The following SYT11 variants were observed in gnomAD, a reference collection of about 807,000 sequenced individuals.
The protein encoded by SYT11 is synaptotagmin-11.
Under a neutral mutation model 30.4 loss-of-function variants are expected in SYT11, and 12 were observed. The ratio of observed to expected loss-of-function variants is 0.39; its 90% confidence interval spans 0.25 to 0.64. The LOEUF (loss-of-function observed/expected upper bound fraction) is 0.64. Among genes scored for constraint, SYT11 ranks in the 30% least tolerant of loss-of-function variants. SYT11 has a pLI of 0.45. For missense variants in SYT11, 412 were observed against 552.0 expected, an observed-to-expected ratio of 0.75 and a Z score of 2.54; for synonymous variants, 204 against 216.0, an observed-to-expected ratio of 0.94 and a Z score of 0.49.
At chr1:155,875,839 C>T (rs1672851307) in intron 2 of SYT11, among the ~76,000 whole-genome samples, 1 of 152,194 alleles carries the variant, frequency 6.6e-6, no homozygotes, top group South Asian at 2.1e-4. Flanking sequence ...ACAATCAAAG[C>T]ACAAACTATT....
chr1:155,861,268 G>C (rs899938774), intron 1 of SYT11, among the ~76,000 whole-genome samples: 13 of 152,108 alleles, frequency 8.5e-5, no homozygotes, highest in African/African-American at 3.1e-4. Flanking sequence ...TGAGTTCTAA[G>C]TTTCCAAAAC....
rs776709828 is a variant in SYT11 at position 155,868,521 on chromosome 1, C to T, written c.591C>T (p.Tyr197=). Reference sequence around the variant, plus strand: ...ACCAGACCCAGGGATCTGACCCCTACATCAAAATGACCATCCTTCCTGACA... The same window carrying T: ...ACCAGACCCAGGGATCTGACCCCTATATCAAAATGACCATCCTTCCTGACA... ...MDDQTQGSDP[Y]IKMTILPDKR... The change falls in exon 2 of 4, where the codon TAC becomes TAT. Residue 197 remains tyrosine, a synonymous_variant. Coordinates refer to ENST00000368324, the MANE Select transcript of SYT11 (RefSeq NM_152280.5). This position sits in a 1 kb window ranked among gnomAD's most constrained non-coding sequence, Gnocchi z 4.7. The T allele has an allele frequency of 4.3e-6, 7 of 1,614,188 alleles. No homozygotes were observed. Among genetic ancestry groups the T allele is most frequent in the Non-Finnish European group, 5.1e-6 (6 of 1,180,038 alleles).
At chr1:155,878,863 T>C (rs1005692620) in intron 2 of SYT11, among the ~76,000 whole-genome samples, 1 of 151,644 alleles carries the variant, frequency 6.6e-6, no homozygotes. Context: ...CGAGAGACTC[T>C]GTCTCAAAAA....
At chr1:155,877,225 C>T (rs528405887) in intron 2 of SYT11, among the ~76,000 whole-genome samples, 1 of 152,218 alleles carries the variant, frequency 6.6e-6, no homozygotes, top group Non-Finnish European at 1.5e-5. Flanking sequence ...ACCTCAGCCT[C>T]CCAAATTGCT....
chr1:155,875,140 C>A lies in SYT11; in HGVS notation c.862-5360C>A. On this transcript the variant is annotated intron_variant, in intron 2 of 3. Coordinates refer to ENST00000368324, the MANE Select transcript of SYT11 (RefSeq NM_152280.5). ...TGGTGACATGTGCCTGTAGTCCCAG[C>A]TACTCGGGAGGCTGAGGCAGGAGAA... Among the ~76,000 whole-genome samples the A allele has an allele frequency of 1.4e-5, 2 of 141,232 alleles. 1 individual carries two copies. The highest frequency in any genetic ancestry group is 3.2e-5 in the Non-Finnish European group (2 of 63,026). The allele number at this position is 141,232 out of a possible 152,430, so 92.7% of individuals were successfully genotyped here.
chr1:155,881,479 G>A lies in SYT11; in HGVS notation c.1267G>A (p.Ala423Thr). The change falls in exon 4 of 4, where the codon GCC (alanine) becomes ACC (threonine). Residue 423 changes from alanine (A) to threonine (T), a missense_variant. Transcript: ENST00000368324. The part of the protein sequence containing the change: ...EVCESPRKPV[A>T]KWHSLSEY Reference sequence around the variant, plus strand: ...CTGCGAGAGCCCCCGCAAGCCTGTGGCCAAGTGGCACAGTCTGAGCGAGTA... The same window carrying A: ...CTGCGAGAGCCCCCGCAAGCCTGTGACCAAGTGGCACAGTCTGAGCGAGTA... 1 of 1,610,880 alleles carries A rather than the reference G, an allele frequency of 6.2e-7. No homozygotes were observed. The highest frequency in any genetic ancestry group is 2.2e-5 in the East Asian group (1 of 44,790).
chr1:155,863,788 G>A (rs1368831260), intron 1 of SYT11, among the ~76,000 whole-genome samples: 1 of 152,036 alleles, frequency 6.6e-6, no homozygotes, highest in African/African-American at 2.4e-5. Context: ...AGGTGTAGTG[G>A]CATGTGCTGG....
rs141914865 is a variant in SYT11 at position 155,881,498 on chromosome 1, G to A, written c.1286G>A (p.Ser429Asn). ...RKPVAKWHSL[S>N]EY ...CCTGTGGCCAAGTGGCACAGTCTGA[G>A]CGAGTACTAATCCTGTTCTTCTCTC... Residue 429 changes from serine (S) to asparagine (N), a missense_variant, in exon 4 of 4, where the codon AGC becomes AAC. Physicochemically the swap from Ser to Asn is conservative, Grantham distance 46 (BLOSUM62 1). Coordinates refer to ENST00000368324, the MANE Select transcript of SYT11 (RefSeq NM_152280.5). 1.2e-6 allele frequency: 2 copies of A among 1,605,500 alleles called. No homozygotes were observed. Among genetic ancestry groups the A allele is most frequent in the African/African-American group, 1.3e-5 (1 of 74,754 alleles).
chr1:155,869,263 C>CTTTTTTTTTTT (rs767071892), intron 2 of SYT11, among the ~76,000 whole-genome samples: 2 of 83,880 alleles, frequency 2.4e-5, no homozygotes, highest in Non-Finnish European at 4.0e-5. Context: ...ATGTACATGT[C>CTTTTTTTTTTT]TTTTTTTTTT....
rs1028167773 is a variant in SYT11, at chr1:155,883,109, C to T, written c.*1601C>T. 1 of 152,358 alleles carries T rather than the reference C, an allele frequency of 6.6e-6. No individual in the cohort carries two copies. The highest frequency in any genetic ancestry group is 6.5e-5 in the Admixed American group (1 of 15,272). The allele number at this position is 152,358 out of a possible 1,614,324, so 9.4% of individuals were successfully genotyped here. A position where few individuals can be genotyped will look rare whatever the true frequency, so the allele number is the denominator to read the frequency against. On this transcript the variant is annotated 3_prime_UTR_variant, in exon 4 of 4. Coordinates refer to ENST00000368324, the MANE Select transcript of SYT11 (RefSeq NM_152280.5). ...GGAACTACAGGATGCAATTCTTCTTCTACCAATGGGCAATAGAGGTTGAGA... is the reference window on the plus strand; with the variant it reads ...GGAACTACAGGATGCAATTCTTCTTTTACCAATGGGCAATAGAGGTTGAGA...
intron 2 of SYT11, among the ~76,000 whole-genome samples, chr1:155,874,074 G>T (rs1270476942): frequency 1.3e-5 from 2 of 151,998 alleles, no homozygotes; most frequent in African/African-American, 4.8e-5. Context: ...GCTGAGGTGG[G>T]CGGATGGCTT....
At position 155,860,180 on chromosome 1, in the gene SYT11, C is replaced by T. The variant is rs1227453149; in HGVS notation, c.34+385C>T. Reference sequence around the variant, plus strand: ...GGGGCACACAGGGCGGTGCCCCTTCCTCCCCCTCCCATTCCTAAGGGCTGC... The same window carrying T: ...GGGGCACACAGGGCGGTGCCCCTTCTTCCCCCTCCCATTCCTAAGGGCTGC... On this transcript the variant is annotated intron_variant, in intron 1 of 3. Coordinates refer to ENST00000368324, the MANE Select transcript of SYT11 (RefSeq NM_152280.5). This position sits in a 1 kb window ranked among gnomAD's most constrained non-coding sequence, Gnocchi z 4.1. Among the ~76,000 whole-genome samples the T allele has an allele frequency of 6.6e-6, 1 of 152,242 alleles. No individual in the cohort carries two copies. The highest frequency in any genetic ancestry group is 6.5e-5 in the Admixed American group (1 of 15,290).
chr1:155,876,827 C>T (rs1672869633), intron 2 of SYT11, among the ~76,000 whole-genome samples: 1 of 152,054 alleles, frequency 6.6e-6, no homozygotes, highest in Non-Finnish European at 1.5e-5. Flanking sequence ...ACTCTGTCGC[C>T]CAGGCTGGAG....
Position 155,881,628 on chromosome 1 carries a change from A to T in SYT11, c.*120A>T. 1.0e-6 allele frequency: 1 copy of T among 962,874 alleles called. No homozygotes were observed. The highest frequency in any genetic ancestry group is 1.5e-6 in the Non-Finnish European group (1 of 656,560). The allele number at this position is 962,874 out of a possible 1,614,324, so 59.6% of individuals were successfully genotyped here. On this transcript the variant is annotated 3_prime_UTR_variant, in exon 4 of 4. Coordinates refer to ENST00000368324, the MANE Select transcript of SYT11 (RefSeq NM_152280.5). ...TAGTTGTAGAAGAAAATTTCTTACA[A>T]AACAAATTCCACAAAGAACACCCTA...
intron 1 of SYT11, among the ~76,000 whole-genome samples, chr1:155,865,528 T>G (rs775211204): frequency 1.1e-4 from 16 of 151,402 alleles, no homozygotes; most frequent in Non-Finnish European, 1.9e-4. Context: ...CTCGGGAGGC[T>G]GAGGCAGGAG....
Position 155,859,663 on chromosome 1 carries a change from G to T in SYT11, c.-99G>T. The T allele has an allele frequency of 8.3e-7, 1 of 1,198,648 alleles. No homozygotes were observed. The highest frequency in any genetic ancestry group is 1.2e-5 in the South Asian group (1 of 82,240). The allele number at this position is 1,198,648 out of a possible 1,614,324, so 74.3% of individuals were successfully genotyped here. ...CCGCTGGATACCTTCCCCCTTCCCTGACCTAGAGCTCTACAGCTGCTGCCT... is the reference window on the plus strand; with the variant it reads ...CCGCTGGATACCTTCCCCCTTCCCTTACCTAGAGCTCTACAGCTGCTGCCT... On this transcript the variant is annotated 5_prime_UTR_variant, in exon 1 of 4. Coordinates refer to ENST00000368324, the MANE Select transcript of SYT11 (RefSeq NM_152280.5).
At chr1:155,862,413 G>A (rs4971065) in intron 1 of SYT11, among the ~76,000 whole-genome samples, 9,887 of 152,212 alleles carry the variant, frequency 0.065, 395 homozygotes, top group African/African-American at 0.11. Flanking sequence ...AGAGAGGCAA[G>A]AGTTAACAAA....
At chr1:155,880,301 G>A (rs1306361265) in intron 2 of SYT11, among the ~76,000 whole-genome samples, 199 bp from the exon 3 acceptor site, 1 of 152,168 alleles carries the variant, frequency 6.6e-6, no homozygotes, top group Admixed American at 6.6e-5. Flanking sequence ...TTTAATATCA[G>A]AATTATGGTT....
intron 1 of SYT11, among the ~76,000 whole-genome samples, chr1:155,862,095 T>G (rs893404216): frequency 3.3e-5 from 5 of 152,210 alleles, no homozygotes; most frequent in African/African-American, 1.2e-4. Context: ...TGCAGGTCTT[T>G]AAACCATTAC....
Sources: gnomAD v4.1 joint callset for allele counts (sites outside exome capture counted in the v4.1 genomes callset) on GRCh38, gnomAD v4.1.1 for gene constraint, Gnocchi (gnomAD v3.1) non-coding constraint, MANE v1.5 for transcripts, NCBI Gene and HGNC (gene_info 2026-07-23, HGNC 2026-07-21) for gene names.